The following FLNB variants were observed in gnomAD, a reference collection of about 807,000 sequenced individuals.
FLNB encodes filamin B.
FLNB carries 111 observed loss-of-function variants against 250.6 expected under a neutral mutation model. That is an observed-to-expected ratio of 0.44 (90% confidence interval 0.38 to 0.52). FLNB has a LOEUF of 0.52. Among genes scored for constraint, FLNB ranks in the 20% least tolerant of loss-of-function variants. The pLI is 0.00. For missense variants in FLNB, 2,869 were observed against 3,447.8 expected (o/e 0.83, Z 4.20); for synonymous variants, 1,302 against 1,372.1 (o/e 0.95, Z 1.13).
Position 58,169,391 on chromosome 3 carries a change from G to A in FLNB, c.7418-199G>A. ...CCAGACTCATCCATTTGCCCAGAAA[G>A]CCAGATCCTAGTTGTATGGGGGTGG... On this transcript the variant is annotated intron_variant, in intron 44 of 45. Coordinates refer to ENST00000295956, the MANE Select transcript of FLNB (RefSeq NM_001457.4). This position sits in a 1 kb window ranked among gnomAD's most constrained non-coding sequence, Gnocchi z 4.8. 1 of 612,028 alleles carries A rather than the reference G, an allele frequency of 1.6e-6. No individual in the cohort carries two copies. The highest frequency in any genetic ancestry group is 3.0e-6 in the Non-Finnish European group (1 of 336,132). 37.9% of individuals were successfully genotyped at this position (612,028 alleles called of 1,614,324 possible). A position where few individuals can be genotyped will look rare whatever the true frequency, so the allele number is the denominator to read the frequency against.
intron 4 of FLNB, among the ~76,000 whole-genome samples, chr3:58,089,257 C>G (rs1445079128): frequency 5.3e-5 from 8 of 152,112 alleles, no homozygotes; most frequent in Non-Finnish European, 1.0e-4. Context: ...GCTTCAGTAG[C>G]CAGGCGTGGT....
intron 5 of FLNB, among the ~76,000 whole-genome samples, chr3:58,095,869 A>C (rs2097237531): frequency 6.6e-6 from 1 of 152,210 alleles, no homozygotes; most frequent in African/African-American, 2.4e-5. Flanking sequence ...TAAAGGTTTA[A>C]GTTTCTTGCT....
intron 24 of FLNB, among the ~76,000 whole-genome samples, chr3:58,129,348 C>T (rs1311177920): frequency 6.6e-6 from 1 of 152,094 alleles, no homozygotes; most frequent in African/African-American, 2.4e-5. Context: ...TTGGGGTCTG[C>T]CATCTTGGAC....
At chr3:58,009,517 G>A (rs1000076405) in intron 1 of FLNB, among the ~76,000 whole-genome samples, 2 of 152,178 alleles carry the variant, frequency 1.3e-5, no homozygotes, top group Non-Finnish European at 2.9e-5. Context: ...CCTTGCTGCC[G>A]AAGTTATAAT....
At chr3:58,124,053 C>G (rs540714653) in intron 21 of FLNB, among the ~76,000 whole-genome samples, 2 of 152,296 alleles carry the variant, frequency 1.3e-5, no homozygotes, top group Non-Finnish European at 1.5e-5. Flanking sequence ...GTAGTGTTGT[C>G]TAACACCTGC....
chr3:58,029,697 G>A (rs1244715663), intron 1 of FLNB, among the ~76,000 whole-genome samples: 1 of 151,866 alleles, frequency 6.6e-6, no homozygotes, highest in African/African-American at 2.4e-5. Context: ...TAAAGATGGG[G>A]TTTCACCATG....
intron 26 of FLNB, among the ~76,000 whole-genome samples, chr3:58,133,842 G>A (rs2097311891): frequency 6.6e-6 from 1 of 152,000 alleles, no homozygotes; most frequent in Admixed American, 6.6e-5. Context: ...AATTACATTT[G>A]TATATTGCTT....
chr3:58,140,599 G>T (rs1263316369), intron 29 of FLNB, among the ~76,000 whole-genome samples: 2 of 152,118 alleles, frequency 1.3e-5, no homozygotes, highest in African/African-American at 4.8e-5. Flanking sequence ...GTTGAATCAG[G>T]AGCATTAAAT....
rs4234386 is a variant in FLNB at position 58,164,706 on chromosome 3, C to T, written c.7198+1376C>T. ...CCAGACTCCCCAGGCAAATCCAGCCCGGCTCCACGCTGAACTCTGGGCCTG... is the reference window on the plus strand; with the variant it reads ...CCAGACTCCCCAGGCAAATCCAGCCTGGCTCCACGCTGAACTCTGGGCCTG... On this transcript the variant is annotated intron_variant, in intron 43 of 45. Coordinates refer to ENST00000295956, the MANE Select transcript of FLNB (RefSeq NM_001457.4). This position sits in a 1 kb window ranked among gnomAD's most constrained non-coding sequence, Gnocchi z 4.0. 0.35 allele frequency: 53,696 copies of T among 152,116 alleles called. 11,156 individuals carry two copies. Among genetic ancestry groups the T allele is most frequent in the East Asian group, 0.91 (4,715 of 5,174 alleles). 9.4% of individuals were successfully genotyped at this position (152,116 alleles called of 1,614,324 possible).
rs9846226 is a variant in FLNB, at chr3:58,011,203, C to T, written c.292+2347C>T. 3.0e-3 allele frequency among the ~76,000 whole-genome samples: 456 copies of T among 152,252 alleles called. 2 individuals carry two copies. Among genetic ancestry groups the T allele is most frequent in the African/African-American group, 0.01 (428 of 41,544 alleles). ...CGGGGGTTACAGCCCTGAGCCACCG[C>T]GCCCAGCCCGGTCCTCCTTTTATTT... On this transcript the variant is annotated intron_variant, in intron 1 of 45. Coordinates refer to ENST00000295956, the MANE Select transcript of FLNB (RefSeq NM_001457.4).
chr3:58,024,701 C>CTTTTTTTTTTTTTTTTTT lies in FLNB; in HGVS notation c.292+15855_292+15872dup, dbSNP rs1174805764. Among the ~76,000 whole-genome samples the CTTTTTTTTTTTTTTTTTT allele has an allele frequency of 1.6e-4, 13 of 83,772 alleles. 1 individual carries two copies. The highest frequency in any genetic ancestry group is 8.6e-4 in the East Asian group (2 of 2,336). 55.0% of individuals were successfully genotyped at this position (83,772 alleles called of 152,430 possible). A position where few individuals can be genotyped will look rare whatever the true frequency, so the allele number is the denominator to read the frequency against. ...ATTTCTGGTCTTCTGGCCAAGCCTCCTTTTTTTTTTTTTTTTTTTTTTTTT... is the reference window on the plus strand; with the variant it reads ...ATTTCTGGTCTTCTGGCCAAGCCTCCTTTTTTTTTTTTTTTTTTTTTTTTTTTTTTTTTTTTTTTTTTT... On this transcript the variant is annotated intron_variant, in intron 1 of 45. Coordinates refer to ENST00000295956, the MANE Select transcript of FLNB (RefSeq NM_001457.4).
In FLNB at chr3:58,123,404, G is replaced by C. The variant is rs1559710268; in HGVS notation, c.3438G>C (p.Gly1146=). 6.2e-7 allele frequency: 1 copy of C among 1,614,098 alleles called. No homozygotes were observed. The highest frequency in any genetic ancestry group is 2.2e-5 in the East Asian group (1 of 44,880). ...VVASGPGLEH[G]KVGEAGLLSV... is the part of the protein sequence containing the mutation. ...CATCGGGGCCAGGTCTCGAGCACGG[G>C]AAGGTGGGTGAAGCTGGCCTCCTTA... is the stretch of plus-strand genomic sequence containing the variant. The change falls in exon 21 of 46, where the codon GGG becomes GGC. Residue 1146 remains glycine (G), a synonymous_variant. Coordinates refer to ENST00000295956, the MANE Select transcript of FLNB (RefSeq NM_001457.4).
At chr3:58,016,621 T>G (rs1371586130) in intron 1 of FLNB, among the ~76,000 whole-genome samples, 3 of 152,098 alleles carry the variant, frequency 2.0e-5, no homozygotes, top group African/African-American at 7.2e-5. Context: ...CTCTAACGGA[T>G]TATCTTATGT....
rs758698738 is a variant in FLNB, at chr3:58,134,625, G to A, written c.4524G>A (p.Lys1508=). 1 of 1,614,044 alleles carries A rather than the reference G, an allele frequency of 6.2e-7. No individual in the cohort carries two copies. The highest frequency in any genetic ancestry group is 1.1e-5 in the South Asian group (1 of 91,068). The change falls in exon 27 of 46, where the codon AAG becomes AAA. Residue 1508 remains lysine, a synonymous_variant. Transcript: ENST00000295956. ...GTGTGTGTCTATCAAGTCCCTTCAA[G>A]GTCAAGGTCCTTCCCACATATGATG... ...ADEEIPRSPF[K]VKVLPTYDAS...
chr3:58,141,489 T>C (rs1417355406), intron 29 of FLNB, among the ~76,000 whole-genome samples: 1 of 152,198 alleles, frequency 6.6e-6, no homozygotes, highest in African/African-American at 2.4e-5. Context: ...CATGTTCCAC[T>C]GGACAGACTC....
intron 1 of FLNB, among the ~76,000 whole-genome samples, chr3:58,027,558 A>C (rs910911912): frequency 6.6e-6 from 1 of 152,178 alleles, no homozygotes; most frequent in Non-Finnish European, 1.5e-5. Context: ...CTGGGATTAC[A>C]GGCATGAGCC....
intron 1 of FLNB, among the ~76,000 whole-genome samples, chr3:58,038,313 G>A (rs1427841564): frequency 6.6e-6 from 1 of 152,172 alleles, no homozygotes; most frequent in Non-Finnish European, 1.5e-5. Context: ...ACAGGCGTGA[G>A]CCACCATGCT....
chr3:58,020,482 G>T (rs773704068), intron 1 of FLNB, among the ~76,000 whole-genome samples: 1 of 152,170 alleles, frequency 6.6e-6, no homozygotes, highest in Non-Finnish European at 1.5e-5. Context: ...AAGCTGGTCC[G>T]TCCAGCCCAT....
At chr3:58,089,185 C>G (rs966457045) in intron 4 of FLNB, among the ~76,000 whole-genome samples, 3 of 151,814 alleles carry the variant, frequency 2.0e-5, no homozygotes, top group Admixed American at 2.0e-4. Context: ...TTGATGCCAA[C>G]ACTGAGGTGA....
Sources: allele counts gnomAD v4.1 joint callset (sites outside exome capture counted in the v4.1 genomes callset), GRCh38; gene constraint gnomAD v4.1.1; non-coding constraint Gnocchi (gnomAD v3.1); transcripts MANE v1.5; gene names NCBI Gene and HGNC (gene_info 2026-07-23, HGNC 2026-07-21).